SAMMSON: variants seen among roughly 807,000 people sequenced by gnomAD.
SAMMSON encodes the protein survival associated mitochondrial melanoma specific oncogenic non-coding RNA, also known as long intergenic non-protein coding RNA 1212.
intron 4 of SAMMSON, among the ~76,000 whole-genome samples, chr3:70,207,073 C>A (rs1448769125): frequency 6.7e-6 from 1 of 148,422 alleles, no homozygotes; most frequent in African/African-American, 2.5e-5. Context: ...GAGAATCAAG[C>A]AATTCATTCA....
intron 7 of SAMMSON, among the ~76,000 whole-genome samples, chr3:70,340,833 A>G (rs1041982583): frequency 6.6e-6 from 1 of 152,080 alleles, no homozygotes; most frequent in African/African-American, 2.4e-5. Context: ...GTTTCACTGT[A>G]AGAAATCATA....
intron 6 of SAMMSON, among the ~76,000 whole-genome samples, chr3:70,280,762 C>T (rs1289667045): frequency 6.6e-6 from 1 of 152,124 alleles, no homozygotes; most frequent in African/African-American, 2.4e-5. Context: ...CTGTGTAAAA[C>T]CCGGCCATAG....
Position 70,109,764 on chromosome 3 carries a change from T to G in SAMMSON, n.507+38199T>G, listed in dbSNP as rs558584729. Among the ~76,000 whole-genome samples the G allele has an allele frequency of 1.7e-3, 263 of 152,218 alleles. 1 individual carries two copies. The highest frequency in any genetic ancestry group is 2.5e-3 in the Non-Finnish European group (170 of 68,042). On this transcript the variant is annotated intron_variant and non_coding_transcript_variant, in intron 4 of 9. Transcript: ENST00000642114. ...TGGCTCCAAAATCAGTGCTCTTATC[T>G]TGTACATTATACTGCCTCCTTAAAA...
At chr3:70,387,815 A>G (rs962185443) in intron 9 of SAMMSON, among the ~76,000 whole-genome samples, 4 of 152,106 alleles carry the variant, frequency 2.6e-5, no homozygotes, top group Non-Finnish European at 4.4e-5. Context: ...TAAATGTTCT[A>G]CCTACCTCTC....
intron 6 of SAMMSON, among the ~76,000 whole-genome samples, chr3:70,258,252 G>A (rs1028760732): frequency 6.6e-6 from 1 of 152,036 alleles, no homozygotes; most frequent in African/African-American, 2.4e-5. Context: ...TCTTAGATCA[G>A]ACACCAAAAG....
chr3:70,080,555 C>G (rs560024427), intron 4 of SAMMSON, among the ~76,000 whole-genome samples: 1 of 152,246 alleles, frequency 6.6e-6, no homozygotes, highest in African/African-American at 2.4e-5. Context: ...AGTGCATGCT[C>G]TGTTTCTATT....
chr3:70,103,478 T>C (rs1433954562), intron 4 of SAMMSON, among the ~76,000 whole-genome samples: 1 of 152,146 alleles, frequency 6.6e-6, no homozygotes, highest in African/African-American at 2.4e-5. Flanking sequence ...GTATGCAAAA[T>C]TTGCACATCT....
chr3:70,207,525 G>A (rs550416503), intron 4 of SAMMSON, among the ~76,000 whole-genome samples: 97 of 152,100 alleles, frequency 6.4e-4, no homozygotes, highest in East Asian at 1.2e-3. Context: ...AGCCCCAAGC[G>A]TTGTATGTAT....
chr3:70,340,395 T>C (rs1702702839), intron 7 of SAMMSON, among the ~76,000 whole-genome samples: 2 of 151,318 alleles, frequency 1.3e-5, no homozygotes, highest in African/African-American at 4.9e-5. Flanking sequence ...TATATATATA[T>C]ATAAAAAAAG....
intron 3 of SAMMSON, among the ~76,000 whole-genome samples, chr3:70,028,170 CCTTCCTTCCTTCCTTCCTTT>C (rs1404424699): frequency 2.0e-5 from 3 of 146,346 alleles, no homozygotes; most frequent in Non-Finnish European, 3.0e-5. Context: ...TTCCTTCCTT[CCTTCCTTCCTTCCTTCCTTT>C]CTTTCTTTCT....
intron 7 of SAMMSON, among the ~76,000 whole-genome samples, chr3:70,329,634 A>G (rs1235290097): frequency 6.6e-6 from 1 of 152,042 alleles, no homozygotes; most frequent in African/African-American, 2.4e-5. Flanking sequence ...ACTAGAAAAC[A>G]CTACCAGAGA....
At chr3:70,261,586 T>C (rs1056566466) in intron 6 of SAMMSON, among the ~76,000 whole-genome samples, 20 of 152,184 alleles carry the variant, frequency 1.3e-4, no homozygotes, top group African/African-American at 4.6e-4. Flanking sequence ...CCCTTTTTGG[T>C]TTCCCTGACA....
chr3:70,387,139 G>A (rs1703129072), intron 9 of SAMMSON, among the ~76,000 whole-genome samples: 1 of 152,030 alleles, frequency 6.6e-6, no homozygotes, highest in Non-Finnish European at 1.5e-5. Flanking sequence ...GGTCTCATGA[G>A]ATCACCAAAA....
chr3:70,138,807 G>A (rs6549275), intron 4 of SAMMSON, among the ~76,000 whole-genome samples: 107,644 of 152,068 alleles, frequency 0.71, 38,555 homozygotes, highest in Non-Finnish European at 0.76. Context: ...CTGTGAATCC[G>A]TGAAATCAAA....
At chr3:70,318,511 T>C (rs868478960) in intron 7 of SAMMSON, among the ~76,000 whole-genome samples, 8 of 151,740 alleles carry the variant, frequency 5.3e-5, no homozygotes, top group Admixed American at 6.6e-5. Flanking sequence ...ACTTCTTAGA[T>C]GATACTACCT....
downstream of SAMMSON, among the ~76,000 whole-genome samples, chr3:70,394,290 G>A (rs919810656): frequency 6.6e-6 from 1 of 152,124 alleles, no homozygotes; most frequent in Non-Finnish European, 1.5e-5. Flanking sequence ...GAGTGGGGGT[G>A]GTTTGGTGAT....
chr3:70,187,683 G>T (rs1486742204), intron 4 of SAMMSON, among the ~76,000 whole-genome samples: 1 of 151,592 alleles, frequency 6.6e-6, no homozygotes, highest in Non-Finnish European at 1.5e-5. Flanking sequence ...TGATCCGCCC[G>T]TCTCGGCCTC....
chr3:70,261,366 T>C (rs142324436), intron 6 of SAMMSON, among the ~76,000 whole-genome samples: 10 of 152,346 alleles, frequency 6.6e-5, no homozygotes, highest in African/African-American at 2.4e-4. Flanking sequence ...AAAGTTGATG[T>C]GAACATGCAT....
At chr3:70,029,878 G>T (rs2067057949) in intron 3 of SAMMSON, among the ~76,000 whole-genome samples, 1 of 151,814 alleles carries the variant, frequency 6.6e-6, no homozygotes, top group African/African-American at 2.4e-5. Context: ...TTTACTATTT[G>T]AGTATCGTTT....
Sources: gnomAD v4.1 joint callset for allele counts (sites outside exome capture counted in the v4.1 genomes callset) on GRCh38, gnomAD v4.1.1 for gene constraint, MANE v1.5 for transcripts, NCBI Gene and HGNC (gene_info 2026-07-23, HGNC 2026-07-21) for gene names.